Variants in ADAMTS20 observed in about 807,000 individuals in gnomAD.
ADAMTS20 encodes the protein ADAM metallopeptidase with thrombospondin type 1 motif 20.
ADAMTS20 carries 225 observed loss-of-function variants against 260.1 expected under a neutral mutation model. That is an observed-to-expected ratio of 0.87 (90% CI 0.78 to 0.97). The LOEUF (loss-of-function observed/expected upper bound fraction) is 0.97. Among genes scored for constraint, ADAMTS20 ranks in the 50% least tolerant of loss-of-function variants. The pLI is 0.00. For synonymous variants in ADAMTS20, 802 were observed against 769.5 expected (o/e 1.04, Z -0.70); for missense variants, 2,400 against 2,337.7 (o/e 1.03, Z -0.55).
chr12:43,425,465 A>G (rs1941313699), intron 28 of ADAMTS20, 49 bp downstream of exon 28: 1 of 1,381,116 alleles, frequency 7.2e-7, no homozygotes, highest in African/African-American at 1.5e-5. Flanking sequence ...CCTCACTCAG[A>G]CTCAAACTTT....
intron 37 of ADAMTS20, among the ~76,000 whole-genome samples, chr12:43,367,267 A>G (rs1362183225): frequency 6.6e-6 from 1 of 152,044 alleles, no homozygotes; most frequent in Non-Finnish European, 1.5e-5. Context: ...AACAATTTCT[A>G]CTACAAATAT....
intron 29 of ADAMTS20, among the ~76,000 whole-genome samples, chr12:43,390,827 G>A (rs1164245366): frequency 6.6e-6 from 1 of 152,076 alleles, no homozygotes; most frequent in Non-Finnish European, 1.5e-5. Context: ...TACAAGAATA[G>A]CCCTTAATGA....
intron 7 of ADAMTS20, among the ~76,000 whole-genome samples, chr12:43,484,465 G>C (rs1942491588): frequency 6.6e-6 from 1 of 151,974 alleles, no homozygotes; most frequent in Non-Finnish European, 1.5e-5. Flanking sequence ...GTTCTAAAGA[G>C]ATATTTTAAA....
intron 2 of ADAMTS20, among the ~76,000 whole-genome samples, chr12:43,536,649 C>G (rs1397529963): frequency 2.0e-5 from 3 of 152,124 alleles, no homozygotes; most frequent in African/African-American, 7.2e-5. Flanking sequence ...AGGGAATATT[C>G]CAAACGGTGA....
At chr12:43,353,342 G>T (rs1939673659), downstream of ADAMTS20, among the ~76,000 whole-genome samples, 1 of 151,680 alleles carries the variant, frequency 6.6e-6, no homozygotes, top group Non-Finnish European at 1.5e-5. Context: ...AAAATTAAAA[G>T]AATTCTCACA....
intron 2 of ADAMTS20, among the ~76,000 whole-genome samples, chr12:43,548,160 T>A (rs1455962644): frequency 1.3e-5 from 2 of 152,096 alleles, no homozygotes; most frequent in Non-Finnish European, 2.9e-5. Context: ...ACAACATCCA[T>A]TCATGATTAA....
chr12:43,535,972 T>C (rs1022438809), intron 2 of ADAMTS20, among the ~76,000 whole-genome samples: 2 of 152,248 alleles, frequency 1.3e-5, no homozygotes, highest in East Asian at 1.9e-4. Flanking sequence ...TCAATTTATG[T>C]AGATAGATCC....
intron 7 of ADAMTS20, among the ~76,000 whole-genome samples, chr12:43,478,380 A>T (rs1347840490): frequency 1.3e-5 from 2 of 152,094 alleles, no homozygotes; most frequent in Non-Finnish European, 2.9e-5. Context: ...GAGAAAAAAA[A>T]TGAAAGCACA....
chr12:43,430,019 A>C (rs1941409841), intron 23 of ADAMTS20, among the ~76,000 whole-genome samples: 1 of 152,168 alleles, frequency 6.6e-6, no homozygotes. Flanking sequence ...ACAAAACTCT[A>C]CCTTAAAAAA....
chr12:43,517,908 T>TA (rs1943020962), intron 3 of ADAMTS20, among the ~76,000 whole-genome samples: 1 of 152,140 alleles, frequency 6.6e-6, no homozygotes, highest in South Asian at 2.1e-4. Context: ...GCTAAGTTTT[T>TA]AAAATTCCTT....
intron 3 of ADAMTS20, among the ~76,000 whole-genome samples, chr12:43,520,377 C>G (rs1374219218): frequency 6.6e-6 from 1 of 151,868 alleles, no homozygotes; most frequent in East Asian, 1.9e-4. Context: ...AAATGGTGGT[C>G]CAGGAAGAGC....
chr12:43,551,781 G>T lies in ADAMTS20; in HGVS notation c.91+50C>A. 6.3e-7 allele frequency: 1 copy of T among 1,586,144 alleles called. No homozygotes were observed. Among genetic ancestry groups the T allele is most frequent in the East Asian group, 2.2e-5 (1 of 44,604 alleles). On this transcript the variant is annotated intron_variant, in intron 1 of 38. Coordinates refer to ENST00000389420, the MANE Select transcript of ADAMTS20 (RefSeq NM_025003.5). The surrounding 1 kb of genome is among the most constrained non-coding windows in gnomAD (Gnocchi z 4.6). The stretch of plus-strand genomic sequence containing the variant: ...TCCCCGCGACCTGCATGTCCCACTC[G>T]GGCCCCGCGCCCCCACTTAGCCGCT...
intron 28 of ADAMTS20, among the ~76,000 whole-genome samples, chr12:43,406,705 GA>G (rs1940926629): frequency 6.6e-6 from 1 of 151,978 alleles, no homozygotes; most frequent in Non-Finnish European, 1.5e-5. Context: ...AGATCTAAGA[GA>G]AAAGCCCACT....
At chr12:43,377,256 G>T in intron 32 of ADAMTS20, 109 bp downstream of exon 32, 2 of 869,644 alleles carry the variant, frequency 2.3e-6, no homozygotes, top group Non-Finnish European at 3.4e-6. Context: ...AGAAAATAGT[G>T]GTCTGAGGCA....
chr12:43,422,748 CT>C, intron 28 of ADAMTS20: 1 of 152,084 alleles, frequency 6.6e-6, no homozygotes, highest in East Asian at 1.9e-4. Context: ...TGTAATAACA[CT>C]AAATAATTCT....
intron 2 of ADAMTS20, among the ~76,000 whole-genome samples, chr12:43,541,641 T>C (rs892696867): frequency 7.2e-5 from 11 of 152,214 alleles, no homozygotes; most frequent in African/African-American, 1.9e-4. Flanking sequence ...ACACCATTAA[T>C]CATGCCTAGG....
intron 4 of ADAMTS20, among the ~76,000 whole-genome samples, chr12:43,501,678 G>C (rs1942769607): frequency 1.3e-5 from 2 of 152,020 alleles, no homozygotes; most frequent in South Asian, 4.1e-4. Flanking sequence ...TGTTGCATTA[G>C]TAATAATCTA....
intron 28 of ADAMTS20, among the ~76,000 whole-genome samples, chr12:43,405,913 T>C (rs2137262314): frequency 6.6e-6 from 1 of 152,354 alleles, no homozygotes. Context: ...GGGTATTATG[T>C]CTATCCTATT....
intron 4 of ADAMTS20, among the ~76,000 whole-genome samples, chr12:43,501,692 C>A (rs1463986389): frequency 6.6e-6 from 1 of 152,038 alleles, no homozygotes; most frequent in East Asian, 1.9e-4. Context: ...TAATCTATCC[C>A]TTTAACGCCA....
Sources: gnomAD v4.1 joint callset for allele counts (sites outside exome capture counted in the v4.1 genomes callset) on GRCh38, gnomAD v4.1.1 for gene constraint, Gnocchi (gnomAD v3.1) non-coding constraint, MANE v1.5 for transcripts, NCBI Gene and HGNC (gene_info 2026-07-23, HGNC 2026-07-21) for gene names.